The following CCDC178 variants were observed in gnomAD, a reference collection of about 807,000 sequenced individuals.
CCDC178 encodes the protein coiled-coil domain-containing protein 178.
A neutral mutation model predicts 117.4 loss-of-function variants in CCDC178; 126 were observed. That is an observed-to-expected ratio of 1.07 (90% CI 0.93 to 1.24). CCDC178 has a LOEUF of 1.24. Among genes scored for constraint, CCDC178 ranks in the 50% most tolerant of loss-of-function variants. The pLI, the probability that CCDC178 is intolerant of heterozygous loss-of-function variation, is 0.00. For missense variants in CCDC178, 1,030 were observed against 986.9 expected (o/e 1.04, Z -0.59); for synonymous variants, 283 against 313.4 (o/e 0.90, Z 1.02).
intron 6 of CCDC178, among the ~76,000 whole-genome samples, chr18:33,365,196 G>C (rs1850472143): frequency 6.6e-6 from 1 of 152,068 alleles, no homozygotes; most frequent in Admixed American, 6.6e-5. Flanking sequence ...AATAGAATGA[G>C]AGAACTCAAA....
At chr18:33,258,869 TA>T (rs2059710250) in intron 14 of CCDC178, among the ~76,000 whole-genome samples, 1 of 152,154 alleles carries the variant, frequency 6.6e-6, no homozygotes, top group Non-Finnish European at 1.5e-5. Flanking sequence ...TGCTAAAAGA[TA>T]AAAATTATTA....
chr18:33,068,206 C>T (rs1261996860), intron 21 of CCDC178, among the ~76,000 whole-genome samples: 1 of 152,064 alleles, frequency 6.6e-6, no homozygotes, highest in Non-Finnish European at 1.5e-5. Flanking sequence ...AGCCCAGGAC[C>T]AGATGGCTTT....
At chr18:33,321,811 ATG>A (rs1166417692) in intron 11 of CCDC178, among the ~76,000 whole-genome samples, 1 of 152,010 alleles carries the variant, frequency 6.6e-6, no homozygotes, top group Non-Finnish European at 1.5e-5. Context: ...ATATCCAAAT[ATG>A]TTAGTGATTC....
At chr18:33,438,666 G>T (rs1024562546) in intron 2 of CCDC178, among the ~76,000 whole-genome samples, 3 of 151,640 alleles carry the variant, frequency 2.0e-5, no homozygotes, top group Admixed American at 2.0e-4. Context: ...TTTTCCACCA[G>T]GTATATAACC....
chr18:33,176,048 T>C (rs1267527468), intron 20 of CCDC178, among the ~76,000 whole-genome samples: 1 of 152,140 alleles, frequency 6.6e-6, no homozygotes, highest in East Asian at 1.9e-4. Context: ...TTCTCTTGTC[T>C]TTTATTTCCC....
rs1394026150 is a variant in CCDC178, at chr18:33,255,971, A to G, written c.1410-10543T>C. Among the ~76,000 whole-genome samples, 3 of 56,238 alleles carry G rather than the reference A, an allele frequency of 5.3e-5. No individual in the cohort carries two copies. In the East Asian group the frequency reaches 1.6e-3, roughly 30 times the overall value. The allele number at this position is 56,238 out of a possible 152,430, so 36.9% of individuals were successfully genotyped here. On this transcript the variant is annotated intron_variant, in intron 14 of 22. Coordinates refer to ENST00000383096, the MANE Select transcript of CCDC178 (RefSeq NM_001105528.4). ...AAATGCTTGGGTAACATGTAGAAAG[A>G]AAGAGAGAAAAAAAAAAAAACGCCT...
At chr18:32,985,306 C>T (rs983975050) in intron 21 of CCDC178, among the ~76,000 whole-genome samples, 6 of 151,908 alleles carry the variant, frequency 3.9e-5, no homozygotes, top group South Asian at 2.1e-4. Context: ...AAATAAAATA[C>T]GCCACACAAT....
intron 15 of CCDC178, among the ~76,000 whole-genome samples, chr18:33,236,838 T>C (rs1777245744): frequency 6.6e-6 from 1 of 152,090 alleles, no homozygotes; most frequent in Non-Finnish European, 1.5e-5. Context: ...CTGAATCAGA[T>C]GGGCCCAAAA....
chr18:33,268,786 T>C (rs2059852009), intron 12 of CCDC178, among the ~76,000 whole-genome samples: 1 of 150,868 alleles, frequency 6.6e-6, no homozygotes, highest in South Asian at 2.1e-4. Context: ...CTCCCTCTTA[T>C]ATAAATGTAA....
At chr18:33,065,486 G>C (rs559338499) in intron 21 of CCDC178, among the ~76,000 whole-genome samples, 7 of 152,148 alleles carry the variant, frequency 4.6e-5, no homozygotes, top group African/African-American at 1.2e-4. Context: ...AAGGAGACGA[G>C]ATGGATAAAA....
In CCDC178 at chr18:33,412,122, G is replaced by A. The variant is rs2063863373; in HGVS notation, c.-22-12C>T. The stretch of plus-strand genomic sequence containing the variant: ...GAATATTTTAAAACCTAATTAGAAA[G>A]AAAAATATTTAAATATCATGAATCT... On this transcript the variant is annotated splice_polypyrimidine_tract_variant and intron_variant, in intron 2 of 22. Transcript: ENST00000383096. 2 of 1,026,764 alleles carry A rather than the reference G, an allele frequency of 1.9e-6. No homozygotes were observed. The highest frequency in any genetic ancestry group is 2.9e-6 in the Non-Finnish European group (2 of 694,352). The allele number at this position is 1,026,764 out of a possible 1,614,324, so 63.6% of individuals were successfully genotyped here.
chr18:33,422,153 A>G (rs945795097), intron 2 of CCDC178, among the ~76,000 whole-genome samples: 1 of 152,168 alleles, frequency 6.6e-6, no homozygotes, highest in Admixed American at 6.5e-5. Flanking sequence ...TTAAATTATT[A>G]TCTTACTAGA....
intron 9 of CCDC178, among the ~76,000 whole-genome samples, chr18:33,335,542 T>C (rs1429314807): frequency 1.3e-5 from 2 of 152,034 alleles, no homozygotes; most frequent in African/African-American, 4.8e-5. Context: ...TTTATTTATA[T>C]TTTTCTCTCC....
chr18:33,202,121 G>A (rs1444585507), intron 20 of CCDC178, among the ~76,000 whole-genome samples: 2 of 151,960 alleles, frequency 1.3e-5, no homozygotes, highest in African/African-American at 2.4e-5. Context: ...CTGGCCGGGC[G>A]CGGTGGTTCA....
chr18:33,414,994 CAAT>C (rs1306395588), intron 2 of CCDC178, among the ~76,000 whole-genome samples: 1 of 152,162 alleles, frequency 6.6e-6, no homozygotes, highest in African/African-American at 2.4e-5. Context: ...ATCAAAACCA[CAAT>C]GAGATACCAT....
intron 20 of CCDC178, among the ~76,000 whole-genome samples, chr18:33,105,337 A>C (rs1255038426): frequency 6.6e-6 from 1 of 151,616 alleles, no homozygotes; most frequent in Non-Finnish European, 1.5e-5. Context: ...CACTTCTGTG[A>C]ATTTTTTTGT....
intron 20 of CCDC178, among the ~76,000 whole-genome samples, chr18:33,159,326 C>T (rs547318072): frequency 1.3e-5 from 2 of 152,158 alleles, no homozygotes; most frequent in Non-Finnish European, 2.9e-5. Flanking sequence ...TTTTGTTGAA[C>T]ATTATGGTAT....
chr18:33,174,176 A>T (rs899242417), intron 20 of CCDC178, among the ~76,000 whole-genome samples: 3 of 152,124 alleles, frequency 2.0e-5, no homozygotes, highest in African/African-American at 4.8e-5. Flanking sequence ...ACAGAGAGAG[A>T]GTCGGCAGGA....
intron 20 of CCDC178, among the ~76,000 whole-genome samples, chr18:33,188,321 G>A (rs760306185): frequency 6.6e-6 from 1 of 152,016 alleles, no homozygotes; most frequent in Non-Finnish European, 1.5e-5. Context: ...TCCATCTTAG[G>A]CTTATTCAAA....
Sources: gnomAD v4.1 joint callset for allele counts (sites outside exome capture counted in the v4.1 genomes callset) on GRCh38, gnomAD v4.1.1 for gene constraint, MANE v1.5 for transcripts, NCBI Gene and HGNC (gene_info 2026-07-23, HGNC 2026-07-21) for gene names.